Variants in MED14 observed in about 807,000 individuals in gnomAD.
The protein encoded by MED14 is mediator of RNA polymerase II transcription subunit 14.
In MED14, 8 loss-of-function variants were observed where a neutral mutation model predicts 109.0. The ratio of observed to expected loss-of-function variants is 0.07; its 90% CI spans 0.04 to 0.13. MED14 has a LOEUF of 0.13. MED14 is among the 10% of genes least tolerant of loss of function. The pLI is 1.00. For synonymous variants in MED14, 399 were observed against 408.7 expected (o/e 0.98, Z 0.29); for missense variants, 711 against 1,142.4 (o/e 0.62, Z 5.44).
chrX:40,718,999 C>T (rs1931632057), intron 3 of MED14, among the ~76,000 whole-genome samples: 1 of 111,684 alleles, frequency 9.0e-6, no homozygotes, highest in Non-Finnish European at 1.9e-5. Context: ...GAATTTAACA[C>T]CAAATAAATG....
intron 23 of MED14, 21 bp downstream of exon 23, chrX:40,671,840 A>C: frequency 2.2e-5 from 23 of 1,068,950 alleles, no homozygotes; most frequent in Non-Finnish European, 2.8e-5. Context: ...GAACATGACA[A>C]GAGAATAAGT....
At position 40,659,588 on chromosome X, in the gene MED14, T is replaced by G; in HGVS notation, c.3704A>C (p.Asn1235Thr). Residue 1235 changes from asparagine (N) to threonine (T), a missense_variant, in exon 27 of 31, where the codon AAT (asparagine) becomes ACT (threonine). This residue lies in a region of MED14 where 54 missense variants were observed against 129.6 expected (regional missense o/e 0.42). Transcript: ENST00000324817. ...CTTAAACATGATCACTCCGGGTTCA[T>G]TAGAATTTATCAGCTGCAGCTACAA... is the stretch of plus-strand genomic sequence containing the variant. ...QQETLQLINS[N>T]EPGVIMFKTD... is the part of the protein sequence containing the mutation. The G allele has an allele frequency of 2.5e-6, 3 of 1,197,713 alleles. No homozygotes were observed. The highest frequency in any genetic ancestry group is 3.4e-6 in the Non-Finnish European group (3 of 889,782).
intron 3 of MED14, chrX:40,715,174 C>T (rs1931467229): frequency 8.8e-6 from 1 of 113,245 alleles, no homozygotes; most frequent in Admixed American, 9.3e-5. Flanking sequence ...CTTTTTTCAA[C>T]TGTAAAATGG....
intron 3 of MED14, among the ~76,000 whole-genome samples, chrX:40,715,815 A>G (rs1931500189): frequency 1.0e-5 from 1 of 95,490 alleles, no homozygotes; most frequent in African/African-American, 4.0e-5. Flanking sequence ...AAAAAAAAGG[A>G]CAGACAACAA....
At chrX:40,726,311 C>T (rs1931892400) in intron 3 of MED14, 1 of 109,281 alleles carries the variant, frequency 9.2e-6, no homozygotes, top group Non-Finnish European at 1.9e-5. Context: ...TTATCAGCCT[C>T]TGTGACCTTG....
chrX:40,685,835 C>T (rs188232674), intron 16 of MED14, among the ~76,000 whole-genome samples: 56 of 112,094 alleles, frequency 5.0e-4, no homozygotes, highest in African/African-American at 1.8e-3. Flanking sequence ...TAAAGTAGAA[C>T]AAGAACAGAA....
intron 30 of MED14, 164 bp downstream of exon 30, chrX:40,654,199 GA>G: frequency 2.3e-6 from 1 of 441,091 alleles, no homozygotes; most frequent in South Asian, 4.0e-5. Context: ...GAGAAAGGAA[GA>G]AAGCGACAGG....
Position 40,664,299 on chromosome X carries a change from ATACT to A in MED14, c.3448+4_3448+7del. The A allele has an allele frequency of 1.7e-6, 2 of 1,194,034 alleles. No individual in the cohort carries two copies. The highest frequency in any genetic ancestry group is 2.3e-6 in the Non-Finnish European group (2 of 887,334). On this transcript the variant is annotated splice_donor_5th_base_variant and intron_variant, in intron 25 of 30. Transcript: ENST00000324817. ...AAAAAAGAACATAAAAATGTTGATG[ATACT>A]TACTTGTTCCAGCTCGAGGGGAATG...
Position 40,650,027 on chromosome X carries a change from G to A in MED14, c.*1779C>T, listed in dbSNP as rs939056978. On this transcript the variant is annotated 3_prime_UTR_variant, in exon 31 of 31. Coordinates refer to ENST00000324817, the MANE Select transcript of MED14 (RefSeq NM_004229.4). Reference sequence around the variant, plus strand: ...TTATTTGAAACAATATTATCCTGCAGATAAAAATACATTTCTTGTATATAC... The same window carrying A: ...TTATTTGAAACAATATTATCCTGCAAATAAAAATACATTTCTTGTATATAC... The A allele has an allele frequency of 4.0e-6, 3 of 741,058 alleles. No homozygotes were observed. The highest frequency in any genetic ancestry group is 4.6e-5 in the African/African-American group (2 of 43,217). The allele number at this position is 741,058 out of a possible 1,213,427, so 61.1% of individuals were successfully genotyped here.
At chrX:40,665,536 A>AAAAC (rs1929446508) in intron 24 of MED14, among the ~76,000 whole-genome samples, 3 of 109,389 alleles carry the variant, frequency 2.7e-5, no homozygotes, top group Non-Finnish European at 5.7e-5. Context: ...CTGTCTCAAA[A>AAAAC]AAAACAAAAC....
At chrX:40,722,839 A>G (rs1456930204) in intron 3 of MED14, among the ~76,000 whole-genome samples, 1 of 111,959 alleles carries the variant, frequency 8.9e-6, no homozygotes, top group East Asian at 2.8e-4. Flanking sequence ...TGCTGAAGGA[A>G]AAAAACTTTT....
chrX:40,662,723 G>A (rs1929334083), intron 26 of MED14, among the ~76,000 whole-genome samples: 1 of 111,940 alleles, frequency 8.9e-6, no homozygotes, highest in African/African-American at 3.2e-5. Flanking sequence ...GTATAATGCA[G>A]AAATATGTTA....
chrX:40,729,130 C>T (rs987279745), intron 2 of MED14, among the ~76,000 whole-genome samples, 189 bp downstream of exon 2: 6 of 111,542 alleles, frequency 5.4e-5, no homozygotes, highest in African/African-American at 2.0e-4. Flanking sequence ...ACTGGTCTCA[C>T]AACAAGTATT....
chrX:40,720,684 C>A (rs1931682783), intron 3 of MED14, among the ~76,000 whole-genome samples: 2 of 110,189 alleles, frequency 1.8e-5, no homozygotes, highest in Admixed American at 1.9e-4. Context: ...GGGAGTGCTT[C>A]CACCACCCTT....
chrX:40,697,206 A>T, intron 12 of MED14, 23 bp from the exon 13 acceptor site: 1 of 1,084,662 alleles, frequency 9.2e-7, no homozygotes, highest in Non-Finnish European at 1.3e-6. Context: ...GTGATAATCC[A>T]CATCAAATCT....
At chrX:40,660,770 G>C (rs2146617123) in intron 26 of MED14, among the ~76,000 whole-genome samples, 1 of 112,419 alleles carries the variant, frequency 8.9e-6, no homozygotes, top group Admixed American at 9.4e-5. Context: ...CATTTTGAGT[G>C]CTAATTTTAG....
Position 40,651,345 on chromosome X carries a change from T to C in MED14, c.*461A>G. On this transcript the variant is annotated 3_prime_UTR_variant, in exon 31 of 31. Transcript: ENST00000324817. ...TGTTTATAACAACTCCCAGAACATTTCATGTAAGGATTCAAAGCGGTCATA... is the reference window on the plus strand; with the variant it reads ...TGTTTATAACAACTCCCAGAACATTCCATGTAAGGATTCAAAGCGGTCATA... 2.7e-6 allele frequency: 2 copies of C among 750,590 alleles called. No homozygotes were observed. The highest frequency in any genetic ancestry group is 3.1e-6 in the Non-Finnish European group (2 of 635,607). 61.9% of individuals were successfully genotyped at this position (750,590 alleles called of 1,213,427 possible). A position where few individuals can be genotyped will look rare whatever the true frequency, so the allele number is the denominator to read the frequency against.
At chrX:40,673,763 T>C (rs1211485164) in intron 22 of MED14, among the ~76,000 whole-genome samples, 1 of 108,437 alleles carries the variant, frequency 9.2e-6, no homozygotes, top group Non-Finnish European at 1.9e-5. Context: ...GAAGAATCAC[T>C]TGAACCTGGG....
chrX:40,721,689 C>G (rs1257104331), intron 3 of MED14, among the ~76,000 whole-genome samples: 1 of 112,456 alleles, frequency 8.9e-6, no homozygotes, highest in Non-Finnish European at 1.9e-5. Context: ...TACACTGAGC[C>G]TTGGGCAAGA....
Sources: gnomAD v4.1 joint callset for allele counts (sites outside exome capture counted in the v4.1 genomes callset) on GRCh38, gnomAD v4.1.1 for gene constraint, gnomAD v4.1.1 regional missense constraint, MANE v1.5 for transcripts, NCBI Gene and HGNC (gene_info 2026-07-23, HGNC 2026-07-21) for gene names.